HS6ST3: variants seen among roughly 807,000 people sequenced by gnomAD.
HS6ST3 encodes heparan-sulfate 6-O-sulfotransferase 3.
In HS6ST3, 12 loss-of-function variants were observed where a neutral mutation model predicts 36.7. The observed-to-expected ratio is 0.33, with a 90% CI of 0.21 to 0.53. The LOEUF (loss-of-function observed/expected upper bound fraction) is 0.53. Ranked by LOEUF, HS6ST3 falls within the 20% of genes least tolerant of loss-of-function variation. The pLI is 0.95. For missense variants in HS6ST3, 584 were observed against 640.9 expected (o/e 0.91, Z 0.96); for synonymous variants, 240 against 257.5 (o/e 0.93, Z 0.65).
At chr13:96,305,945 G>C (rs771767605) in intron 1 of HS6ST3, among the ~76,000 whole-genome samples, 7 of 135,368 alleles carry the variant, frequency 5.2e-5, no homozygotes, top group Non-Finnish European at 1.1e-4. Context: ...TTTTTTTTTA[G>C]ACAGGATCTC....
intron 1 of HS6ST3, among the ~76,000 whole-genome samples, chr13:96,693,682 G>C (rs1875042681): frequency 6.6e-6 from 1 of 152,182 alleles, no homozygotes; most frequent in African/African-American, 2.4e-5. Flanking sequence ...GTAAAATGAT[G>C]ATTGACTGTA....
intron 1 of HS6ST3, among the ~76,000 whole-genome samples, chr13:96,774,919 G>C (rs1014698488): frequency 6.6e-6 from 1 of 152,056 alleles, no homozygotes; most frequent in African/African-American, 2.4e-5. Flanking sequence ...AAAATGTTAA[G>C]GGCAGCCAGA....
chr13:96,154,990 A>G (rs1269164054), intron 1 of HS6ST3, among the ~76,000 whole-genome samples: 11 of 152,182 alleles, frequency 7.2e-5, no homozygotes, highest in Non-Finnish European at 1.2e-4. Context: ...GTTCATCACA[A>G]TGTTATCTAA....
chr13:96,639,275 A>C (rs1379059095), intron 1 of HS6ST3, among the ~76,000 whole-genome samples: 1 of 152,016 alleles, frequency 6.6e-6, no homozygotes, highest in African/African-American at 2.4e-5. Flanking sequence ...TTATCAGTAT[A>C]AAATGTCCTT....
At chr13:96,798,399 C>A (rs1877965394) in intron 1 of HS6ST3, among the ~76,000 whole-genome samples, 1 of 152,060 alleles carries the variant, frequency 6.6e-6, no homozygotes, top group Non-Finnish European at 1.5e-5. Context: ...TTTTGGGTGA[C>A]CAGCTCCCAT....
chr13:96,452,098 A>G (rs1305266302), intron 1 of HS6ST3, among the ~76,000 whole-genome samples: 1 of 152,224 alleles, frequency 6.6e-6, no homozygotes, highest in Non-Finnish European at 1.5e-5. Flanking sequence ...ATTGCAATGA[A>G]CATAAAATTT....
intron 1 of HS6ST3, among the ~76,000 whole-genome samples, chr13:96,135,800 T>C (rs1290110784): frequency 1.3e-5 from 2 of 152,104 alleles, no homozygotes. Context: ...ATTGAGGACT[T>C]ACAGGGATGG....
At chr13:96,751,721 A>G (rs917766562) in intron 1 of HS6ST3, among the ~76,000 whole-genome samples, 3 of 152,034 alleles carry the variant, frequency 2.0e-5, no homozygotes, top group Non-Finnish European at 4.4e-5. Context: ...GTTTAAGGAA[A>G]AAAAGGCTCT....
At chr13:96,408,690 G>A (rs746872909) in intron 1 of HS6ST3, among the ~76,000 whole-genome samples, 1 of 152,084 alleles carries the variant, frequency 6.6e-6, no homozygotes, top group Non-Finnish European at 1.5e-5. Flanking sequence ...TTGGGAGACC[G>A]AGGCGGGTGG....
chr13:96,439,953 A>G (rs1289650977), intron 1 of HS6ST3, among the ~76,000 whole-genome samples: 1 of 151,996 alleles, frequency 6.6e-6, no homozygotes, highest in Non-Finnish European at 1.5e-5. Flanking sequence ...CAGAAATAGA[A>G]CTCTCTTCTA....
At chr13:96,182,831 G>T (rs2054246106) in intron 1 of HS6ST3, among the ~76,000 whole-genome samples, 1 of 152,130 alleles carries the variant, frequency 6.6e-6, no homozygotes. Flanking sequence ...GTGAGATTAG[G>T]AATCAAGTGA....
intron 1 of HS6ST3, among the ~76,000 whole-genome samples, chr13:96,480,862 C>T (rs2055887192): frequency 1.3e-5 from 2 of 152,180 alleles, no homozygotes; most frequent in South Asian, 4.1e-4. Flanking sequence ...TTAGTGTACT[C>T]TGGAGCTCAC....
intron 1 of HS6ST3, among the ~76,000 whole-genome samples, chr13:96,576,172 G>C (rs755624133): frequency 6.7e-6 from 1 of 150,048 alleles, no homozygotes; most frequent in African/African-American, 2.4e-5. Context: ...ACGGGCGAGG[G>C]TGTGTTGGTT....
At chr13:96,230,512 A>G (rs2054502970) in intron 1 of HS6ST3, among the ~76,000 whole-genome samples, 1 of 152,126 alleles carries the variant, frequency 6.6e-6, no homozygotes, top group Non-Finnish European at 1.5e-5. Context: ...CTTGGGAGTT[A>G]CTCAGCATGA....
chr13:96,830,703 C>T (rs1252118162), intron 1 of HS6ST3, among the ~76,000 whole-genome samples: 1 of 152,154 alleles, frequency 6.6e-6, no homozygotes, highest in East Asian at 1.9e-4. Context: ...GCCTTGGTTC[C>T]TGGGCTCTCT....
intron 1 of HS6ST3, among the ~76,000 whole-genome samples, chr13:96,162,820 T>C (rs117460454): frequency 0.071 from 10,861 of 152,254 alleles, 505 homozygotes; most frequent in Middle Eastern, 0.13. Flanking sequence ...TTATGTAGTT[T>C]GGTTTATATT....
chr13:96,799,962 ATGTG>A (rs138509228), intron 1 of HS6ST3, among the ~76,000 whole-genome samples: 1 of 69,290 alleles, frequency 1.4e-5, no homozygotes, highest in African/African-American at 8.7e-5. Flanking sequence ...ATATATATAT[ATGTG>A]TATATATATA....
chr13:96,735,077 G>A lies in HS6ST3; in HGVS notation c.708-97413G>A, dbSNP rs75424764. 5.2e-3 allele frequency among the ~76,000 whole-genome samples: 796 copies of A among 152,270 alleles called. 6 individuals are homozygous for A. Among genetic ancestry groups the A allele is most frequent in the African/African-American group, 0.019 (772 of 41,546 alleles). On this transcript the variant is annotated intron_variant, in intron 1 of 1. Transcript: ENST00000376705. ...AATTAAGAACATAGTATATTAAGTT[G>A]ACAAAGAAAGTAAAGTCATCAGGCT...
At chr13:96,337,896 T>C (rs952104280) in intron 1 of HS6ST3, among the ~76,000 whole-genome samples, 1 of 152,038 alleles carries the variant, frequency 6.6e-6, no homozygotes, top group African/African-American at 2.4e-5. Flanking sequence ...TCCTTTATCT[T>C]CCAGTCCTTT....
Sources: gnomAD v4.1 joint callset for allele counts (sites outside exome capture counted in the v4.1 genomes callset) on GRCh38, gnomAD v4.1.1 for gene constraint, MANE v1.5 for transcripts, NCBI Gene and HGNC (gene_info 2026-07-23, HGNC 2026-07-21) for gene names.